Variants in TRRAP observed in about 807,000 individuals in gnomAD.
TRRAP encodes the protein transformation/transcription domain-associated protein.
In TRRAP, 41 loss-of-function variants were observed where a neutral mutation model predicts 438.8. The ratio of observed to expected loss-of-function variants is 0.09; its 90% CI spans 0.07 to 0.12. The LOEUF is 0.12. Ranked by LOEUF, TRRAP falls within the 10% of genes least tolerant of loss-of-function variation. TRRAP has a pLI of 1.00. For missense variants in TRRAP, 3,122 were observed against 5,055.1 expected (o/e 0.62, Z 11.60); for synonymous variants, 1,994 against 1,962.9 (o/e 1.02, Z -0.42).
rs774349789 is a variant in TRRAP at position 98,961,284 on chromosome 7, T to C, written c.6513T>C (p.Tyr2171=). 5 of 1,614,076 alleles carry C rather than the reference T, an allele frequency of 3.1e-6. No individual in the cohort carries two copies. Among genetic ancestry groups the C allele is most frequent in the South Asian group, 2.2e-5 (2 of 91,090 alleles). ...AGGAGCAGCCAAACCAAGTGAACTA[T>C]GGGAATATCTGCACGGGCCTAGAAG... ...MTVEQPNQVN[Y]GNICTGLEVL... Residue 2171 remains tyrosine, a synonymous_variant, in exon 46 of 73, where the codon TAT becomes TAC. Coordinates refer to ENST00000456197, the MANE Select transcript of TRRAP (RefSeq NM_001375524.1).
chr7:98,911,236 A>C lies in TRRAP; in HGVS notation c.1972A>C (p.Met658Leu), dbSNP rs142095430. 15 of 1,613,730 alleles carry C rather than the reference A, an allele frequency of 9.3e-6. No homozygotes were observed. Among genetic ancestry groups the C allele is most frequent in the Non-Finnish European group, 1.3e-5 (15 of 1,179,898 alleles). The change falls in exon 17 of 73, where the codon ATG becomes CTG. Residue 658 changes from methionine to leucine, a missense_variant. Around this residue, in one of 24 missense-constraint regions of TRRAP, gnomAD observed 149 missense variants for 302.8 expected, o/e 0.49. Coordinates refer to ENST00000456197, the MANE Select transcript of TRRAP (RefSeq NM_001375524.1). ...KEIFQTTVPY[M>L]VERISKNYAL... ...AATCTTCCAAACTACGGTCCCTTAT[A>C]TGGTGGAGAGAATCTCAAAAAATTA...
At chr7:98,967,727 C>T (rs966733426) in intron 51 of TRRAP, 29 bp downstream of exon 51, 41 of 1,599,770 alleles carry the variant, frequency 2.6e-5, no homozygotes, top group Non-Finnish European at 3.4e-5. Flanking sequence ...CATCTGTGGC[C>T]GGGGGCAGCT....
rs1791754553 is a variant in TRRAP, at chr7:98,958,952, TA to T, written c.6343-390del. ...TTGTAAATGAAATTTTCCTAAATTT[TA>T]AGTTCTTATTCCTGTTAAACAAAAT... On this transcript the variant is annotated intron_variant, in intron 44 of 72. Coordinates refer to ENST00000456197, the MANE Select transcript of TRRAP (RefSeq NM_001375524.1). Among the ~76,000 whole-genome samples, 5 of 152,230 alleles carry T rather than the reference TA, an allele frequency of 3.3e-5. No homozygotes were observed. In the South Asian group the frequency reaches 1.0e-3, roughly 32 times the overall value.
At chr7:98,979,227 T>G (rs1035431472) in intron 58 of TRRAP, among the ~76,000 whole-genome samples, 2 of 152,162 alleles carry the variant, frequency 1.3e-5, no homozygotes, top group Non-Finnish European at 2.9e-5. Context: ...AAATAACCAG[T>G]CATTTATATC....
At chr7:98,943,164 G>A in intron 31 of TRRAP, 147 bp downstream of exon 31, 1 of 737,462 alleles carries the variant, frequency 1.4e-6, no homozygotes, top group Admixed American at 2.9e-5. Context: ...ACATTTGATT[G>A]GTATTCTGTT....
intron 30 of TRRAP, among the ~76,000 whole-genome samples, chr7:98,941,953 T>C (rs1211614069): frequency 6.6e-6 from 1 of 152,246 alleles, no homozygotes; most frequent in African/African-American, 2.4e-5. Context: ...TGTTTTACTA[T>C]GGAAACCTTT....
At chr7:98,952,424 C>G (rs1252013118) in intron 39 of TRRAP, among the ~76,000 whole-genome samples, 1 of 152,128 alleles carries the variant, frequency 6.6e-6, no homozygotes, top group Admixed American at 6.5e-5. Flanking sequence ...GAAACTCAGT[C>G]CTAAATCACC....
rs1790089774 is a variant in TRRAP, at chr7:98,927,211, A to G, written c.3020A>G (p.Tyr1007Cys). Residue 1007 changes from tyrosine to cysteine, a missense_variant, in exon 23 of 73, where the codon TAC (tyrosine) becomes TGC (cysteine). By Grantham distance (194) the Tyr-to-Cys change is radical. Around this residue, in one of 24 missense-constraint regions of TRRAP, gnomAD observed 133 missense variants for 188.6 expected, o/e 0.71. Coordinates refer to ENST00000456197, the MANE Select transcript of TRRAP (RefSeq NM_001375524.1). The stretch of plus-strand genomic sequence containing the variant: ...CCCAATGTTATCATCTCACATCGCT[A>G]CAAAGCCCAGGACACTCCAGCCCGG... ...TIPNVIISHR[Y>C]KAQDTPARKT... is the part of the protein sequence containing the mutation. 1 of 1,614,078 alleles carries G rather than the reference A, an allele frequency of 6.2e-7. No homozygotes were observed. Among genetic ancestry groups the G allele is most frequent in the Admixed American group, 1.7e-5 (1 of 60,004 alleles).
intron 62 of TRRAP, among the ~76,000 whole-genome samples, chr7:98,986,532 A>T (rs1216089058): frequency 6.6e-6 from 1 of 152,166 alleles, no homozygotes; most frequent in African/African-American, 2.4e-5. Flanking sequence ...TTTCCTAATG[A>T]CTGTTGATGC....
intron 13 of TRRAP, among the ~76,000 whole-genome samples, chr7:98,906,576 G>T (rs1796745568): frequency 6.6e-6 from 1 of 152,020 alleles, no homozygotes; most frequent in Admixed American, 6.6e-5. Context: ...GGGATTACAG[G>T]TGCCTACCAC....
chr7:98,985,473 T>G (rs1584393741), intron 62 of TRRAP, among the ~76,000 whole-genome samples: 1 of 152,386 alleles, frequency 6.6e-6, no homozygotes, highest in East Asian at 1.9e-4. Flanking sequence ...CCACTGATGT[T>G]GCCTGTGACT....
At chr7:98,941,236 C>T (rs547964104) in intron 30 of TRRAP, among the ~76,000 whole-genome samples, 8 of 152,226 alleles carry the variant, frequency 5.3e-5, no homozygotes, top group East Asian at 3.9e-4. Context: ...AGTGCAGTGG[C>T]GTGATCATAG....
chr7:98,912,894 C>T (rs1789341823), intron 18 of TRRAP, among the ~76,000 whole-genome samples: 1 of 152,130 alleles, frequency 6.6e-6, no homozygotes, highest in African/African-American at 2.4e-5. Context: ...CTCCGTTCTC[C>T]CAGAGCTGGG....
chr7:98,990,660 T>C (rs1418913323), intron 64 of TRRAP, 41 bp downstream of exon 64: 1 of 1,565,326 alleles, frequency 6.4e-7, no homozygotes, highest in Non-Finnish European at 8.7e-7. Flanking sequence ...GCACAAAACA[T>C]TGTGTCTTCA....
In TRRAP at chr7:98,899,418, C is replaced by T. The variant is rs1554406286; in HGVS notation, c.634-4C>T. 1.9e-6 allele frequency: 3 copies of T among 1,614,108 alleles called. No individual in the cohort carries two copies. The highest frequency in any genetic ancestry group is 1.7e-5 in the Admixed American group (1 of 60,002). ...CCCGGGTCCTACCCATTTCTGTCTT[C>T]CAGCATTCCATCATTCCGAGGGGAT... On this transcript the variant is annotated splice_polypyrimidine_tract_variant and splice_region_variant and intron_variant, in intron 8 of 72. Transcript: ENST00000456197.
rs1448788441 is a variant in TRRAP, at chr7:98,967,733, C to G, written c.7512+35C>G. ...CTCGGCTCACATCTGTGGCCGGGGG[C>G]AGCTGTGGGTTTTCTGAGTTGGGGC... On this transcript the variant is annotated intron_variant, in intron 51 of 72. Coordinates refer to ENST00000456197, the MANE Select transcript of TRRAP (RefSeq NM_001375524.1). The G allele has an allele frequency of 4.4e-6, 7 of 1,593,820 alleles. No homozygotes were observed. In the African/African-American group the frequency reaches 8.0e-5, roughly 18 times the overall value.
chr7:98,942,174 C>G (rs1429335968), intron 30 of TRRAP, among the ~76,000 whole-genome samples: 7 of 152,220 alleles, frequency 4.6e-5, no homozygotes, highest in African/African-American at 1.7e-4. Context: ...GGGGTCTCTT[C>G]CCATACACTT....
At position 98,899,884 on chromosome 7, in the gene TRRAP, T is replaced by C. The variant is rs113863176; in HGVS notation, c.800+117T>C. ...GTGATAAAATTTTGGTAAAATTATA[T>C]GCACTGTTGACTTTCTGCACCTGTG... On this transcript the variant is annotated intron_variant, in intron 10 of 72. Transcript: ENST00000456197. 1,490 of 1,085,632 alleles carry C rather than the reference T, an allele frequency of 1.4e-3. 10 individuals are homozygous for C. The African/African-American group carries it at 0.016, about 12-fold the overall frequency. The allele number at this position is 1,085,632 out of a possible 1,614,324, so 67.2% of individuals were successfully genotyped here. A position where few individuals can be genotyped will look rare whatever the true frequency, so the allele number is the denominator to read the frequency against.
At position 98,955,256 on chromosome 7, in the gene TRRAP, C is replaced by T. The variant is rs186558765; in HGVS notation, c.5889C>T (p.Thr1963=). 1.2e-3 allele frequency: 1,931 copies of T among 1,614,132 alleles called. 46 individuals are homozygous for T. In the Admixed American group the frequency reaches 0.03, roughly 25 times the overall value. Residue 1963 remains threonine (T), a synonymous_variant, in exon 41 of 73, where the codon ACC becomes ACT. Transcript: ENST00000456197. The stretch of plus-strand genomic sequence containing the variant: ...AGATCATTGTGGAGGAGGGGCACAC[C>T]GTCCCGCAGCTGGTCCACATTCTGC... The part of the protein sequence containing the change: ...TRKIIVEEGH[T]VPQLVHILHL...
Sources: gnomAD v4.1 joint callset for allele counts (sites outside exome capture counted in the v4.1 genomes callset) on GRCh38, gnomAD v4.1.1 for gene constraint, gnomAD v4.1.1 regional missense constraint, MANE v1.5 for transcripts, NCBI Gene and HGNC (gene_info 2026-07-23, HGNC 2026-07-21) for gene names.